GSN: variants seen among roughly 807,000 people sequenced by gnomAD.
The protein encoded by GSN is gelsolin.
A neutral mutation model predicts 85.7 loss-of-function variants in GSN; 56 were observed. That is an observed-to-expected ratio of 0.65 (90% CI 0.53 to 0.82). GSN has a LOEUF of 0.82. Among genes scored for constraint, GSN ranks in the 40% least tolerant of loss-of-function variants. The pLI is 0.00. For synonymous variants in GSN, 373 were observed against 399.1 expected (o/e 0.93, Z 0.78); for missense variants, 857 against 979.8 (o/e 0.87, Z 1.67).
intron 4 of GSN, among the ~76,000 whole-genome samples, chr9:121,223,847 C>T (rs1445260002): frequency 1.3e-5 from 2 of 150,912 alleles, no homozygotes; most frequent in South Asian, 2.1e-4. Flanking sequence ...TTAGTAGAGA[C>T]GGAGTTTTGC....
intron 4 of GSN, among the ~76,000 whole-genome samples, chr9:121,229,963 C>G (rs1277568368): frequency 6.6e-6 from 1 of 152,044 alleles, no homozygotes; most frequent in African/African-American, 2.4e-5. Flanking sequence ...TTTTTTTATA[C>G]ACTCATGGAC....
rs561157489 is a variant in GSN at position 121,315,991 on chromosome 9, T to C, written c.754-1095T>C. On this transcript the variant is annotated intron_variant, in intron 7 of 17. Coordinates refer to ENST00000432226, the MANE Select transcript of GSN (RefSeq NM_198252.3). Reference sequence around the variant, plus strand: ...AAGTTATAGAAATTGCTTAGAACAGTGACTGGCACAGAGTAGTAAGTACTC... The same window carrying C: ...AAGTTATAGAAATTGCTTAGAACAGCGACTGGCACAGAGTAGTAAGTACTC... 2.0e-5 allele frequency among the ~76,000 whole-genome samples: 3 copies of C among 152,282 alleles called. No homozygotes were observed. In the East Asian group the frequency reaches 5.8e-4, roughly 29 times the overall value.
chr9:121,312,943 CT>C (rs2061336494), intron 6 of GSN: 1 of 161,074 alleles, frequency 6.2e-6, no homozygotes, highest in Non-Finnish European at 1.4e-5. Context: ...ACTTTTGAGG[CT>C]GTTTTTCCAT....
upstream of GSN, among the ~76,000 whole-genome samples, chr9:121,264,017 T>C (rs1330288876): frequency 2.0e-5 from 3 of 152,016 alleles, no homozygotes; most frequent in African/African-American, 4.8e-5. Flanking sequence ...ATGGGGATTA[T>C]GGGGATTACA....
chr9:121,331,349 C>A lies in GSN; in HGVS notation c.1966-39C>A, dbSNP rs138140261. ...TTCCTCCAGCCGTGAATTTGATCAG[C>A]ACTCCTCATGTACCTTTCCTGTTGC... On this transcript the variant is annotated intron_variant, in intron 16 of 17. Coordinates refer to ENST00000432226, the MANE Select transcript of GSN (RefSeq NM_198252.3). 82 of 1,354,020 alleles carry A rather than the reference C, an allele frequency of 6.1e-5. No individual in the cohort carries two copies. The East Asian group carries it at 1.3e-3, about 21-fold the overall frequency. The allele number at this position is 1,354,020 out of a possible 1,614,324, so 83.9% of individuals were successfully genotyped here.
intron 4 of GSN, among the ~76,000 whole-genome samples, chr9:121,225,997 G>T (rs1184418061): frequency 6.6e-6 from 1 of 152,140 alleles, no homozygotes; most frequent in African/African-American, 2.4e-5. Context: ...TAGAGACGGG[G>T]TTTCACCGTA....
chr9:121,252,505 C>T (rs548076654), intron 6 of GSN, among the ~76,000 whole-genome samples: 1 of 152,322 alleles, frequency 6.6e-6, no homozygotes, highest in African/African-American at 2.4e-5. Context: ...TTCCACATTT[C>T]CTAGTCTTTT....
Position 121,299,523 on chromosome 9 carries a change from AG to A in GSN, c.-9-2438del, listed in dbSNP as rs1250217098. On this transcript the variant is annotated intron_variant, in intron 2 of 17. Coordinates refer to ENST00000432226, the MANE Select transcript of GSN (RefSeq NM_198252.3). The surrounding 1 kb of genome is among the most constrained non-coding windows in gnomAD (Gnocchi z 4.2). Reference sequence around the variant, plus strand: ...ATGTTATTTTTTTGCTGGAGGTGTTAGGTGCGGAGAGGCGAGGGGGCTCGCG... The same window carrying A: ...ATGTTATTTTTTTGCTGGAGGTGTTAGTGCGGAGAGGCGAGGGGGCTCGCG... The A allele has an allele frequency of 2.1e-6, 2 of 950,394 alleles. No homozygotes were observed. Among genetic ancestry groups the A allele is most frequent in the East Asian group, 2.3e-4 (2 of 8,660 alleles). The allele number at this position is 950,394 out of a possible 1,614,324, so 58.9% of individuals were successfully genotyped here. A position where few individuals can be genotyped will look rare whatever the true frequency, so the allele number is the denominator to read the frequency against.
intron 6 of GSN, among the ~76,000 whole-genome samples, chr9:121,258,690 T>C (rs1336211369): frequency 6.6e-6 from 1 of 152,198 alleles, no homozygotes; most frequent in Non-Finnish European, 1.5e-5. Context: ...TGGTGATTGT[T>C]TTTTAAAGGT....
chr9:121,224,915 C>T (rs1019821444), intron 4 of GSN, among the ~76,000 whole-genome samples: 1 of 152,092 alleles, frequency 6.6e-6, no homozygotes, highest in Admixed American at 6.5e-5. Context: ...TTCTCCTGGG[C>T]TCAGGTGATC....
chr9:121,328,789 G>A (rs1395976834), intron 14 of GSN, 102 bp from the exon 15 acceptor site: 24 of 1,191,478 alleles, frequency 2.0e-5, no homozygotes, highest in Non-Finnish European at 3.7e-6. Flanking sequence ...AGGAGAGGGA[G>A]AGCAGTTGGT....
Position 121,332,724 on chromosome 9 carries a change from T to C in GSN, c.*121T>C, listed in dbSNP as rs1589276920. 5.6e-6 allele frequency: 4 copies of C among 713,182 alleles called. No individual in the cohort carries two copies. The highest frequency in any genetic ancestry group is 3.9e-5 in the South Asian group (2 of 51,808). The allele number at this position is 713,182 out of a possible 1,614,324, so 44.2% of individuals were successfully genotyped here. A position where few individuals can be genotyped will look rare whatever the true frequency, so the allele number is the denominator to read the frequency against. On this transcript the variant is annotated 3_prime_UTR_variant, in exon 18 of 18. Coordinates refer to ENST00000432226, the MANE Select transcript of GSN (RefSeq NM_198252.3). This position sits in a 1 kb window ranked among gnomAD's most constrained non-coding sequence, Gnocchi z 4.8. ...AGTGTGTGTGTGTGTGTGTGTTGTT[T>C]CTTTTTTTTTTTTTTACAGTATCCA... is the stretch of plus-strand genomic sequence containing the variant.
intron 6 of GSN, among the ~76,000 whole-genome samples, chr9:121,249,290 C>A (rs1239277904): frequency 6.6e-6 from 1 of 151,310 alleles, no homozygotes; most frequent in African/African-American, 2.4e-5. Context: ...GAAACCTGGT[C>A]TGTACAAAAA....
At chr9:121,328,180 C>T (rs75724347) in intron 14 of GSN, among the ~76,000 whole-genome samples, 4,106 of 152,242 alleles carry the variant, frequency 0.027, 191 homozygotes, top group African/African-American at 0.094. Flanking sequence ...GTGGGCCGGG[C>T]AGCTCTTCCT....
chr9:121,206,380 T>C (rs2053881982), upstream of GSN, among the ~76,000 whole-genome samples: 1 of 152,154 alleles, frequency 6.6e-6, no homozygotes, highest in African/African-American at 2.4e-5. Flanking sequence ...ATGAGACTCA[T>C]TCGTCTCTGG....
chr9:121,327,421 C>G lies in GSN; in HGVS notation c.1701C>G (p.Ala567=). The G allele has an allele frequency of 6.2e-7, 1 of 1,609,580 alleles. No homozygotes were observed. Among genetic ancestry groups the G allele is most frequent in the Non-Finnish European group, 8.5e-7 (1 of 1,177,890 alleles). The change falls in exon 14 of 18, where the codon GCC becomes GCG. Residue 567 remains alanine (A), a synonymous_variant. Transcript: ENST00000432226. ...CCAGCGAGGCAGAGAAGACGGGGGC[C>G]CAGGAGCTGCTCAGGGTGCTGCGGG... ...TGASEAEKTG[A]QELLRVLRAQ... is the part of the protein sequence containing the mutation.
At chr9:121,326,049 C>G (rs1011638005) in intron 12 of GSN, among the ~76,000 whole-genome samples, 4 of 150,996 alleles carry the variant, frequency 2.6e-5, no homozygotes, top group Admixed American at 2.6e-4. Context: ...CTCCCACCAC[C>G]AAGCCCCTGA....
chr9:121,256,060 G>T (rs2054951613), intron 6 of GSN, among the ~76,000 whole-genome samples: 1 of 152,086 alleles, frequency 6.6e-6, no homozygotes, highest in Admixed American at 6.6e-5. Context: ...GTAAAGTGGG[G>T]CTGGGGGAGA....
intron 8 of GSN, chr9:121,317,873 C>T (rs1427233810): frequency 3.0e-5 from 6 of 196,910 alleles, no homozygotes; most frequent in East Asian, 1.2e-4. Flanking sequence ...GAGAGAGACA[C>T]TATTATGATT....
Sources: allele counts gnomAD v4.1 joint callset (sites outside exome capture counted in the v4.1 genomes callset), GRCh38; gene constraint gnomAD v4.1.1; non-coding constraint Gnocchi (gnomAD v3.1); transcripts MANE v1.5; gene names NCBI Gene and HGNC (gene_info 2026-07-23, HGNC 2026-07-21).